Variants in PDIA3 observed in about 807,000 individuals in gnomAD.
PDIA3 encodes the protein protein disulfide-isomerase A3.
Under a neutral mutation model 56.9 loss-of-function variants are expected in PDIA3, and 16 were observed. The ratio of observed to expected loss-of-function variants is 0.28; its 90% CI spans 0.19 to 0.43. The LOEUF (loss-of-function observed/expected upper bound fraction) is 0.43, where lower values mean the gene tolerates loss of function less well. Ranked by LOEUF, PDIA3 falls within the 20% of genes least tolerant of loss-of-function variation. The pLI is 1.00. For synonymous variants in PDIA3, 192 were observed against 216.5 expected, an observed-to-expected ratio of 0.89 and a Z score of 0.99; for missense variants, 485 against 621.3, an observed-to-expected ratio of 0.78 and a Z score of 2.33.
At chr15:43,753,773 A>G (rs2086759397) in intron 1 of PDIA3, 51 bp from the exon 2 acceptor site, 1 of 1,272,852 alleles carries the variant, frequency 7.9e-7, no homozygotes. Context: ...GACAACATTA[A>G]CAAATTCATA....
intron 1 of PDIA3, among the ~76,000 whole-genome samples, chr15:43,750,075 C>CTTTGCTTGCTTTGCTTGCT (rs751732306): frequency 7.4e-6 from 1 of 135,416 alleles, no homozygotes; most frequent in African/African-American, 2.7e-5. Context: ...GCTTTGCTTG[C>CTTTGCTTGCTTTGCTTGCT]TTTTTTTTTT....
At chr15:43,747,560 T>G (rs1221657645) in intron 1 of PDIA3, among the ~76,000 whole-genome samples, 1 of 149,000 alleles carries the variant, frequency 6.7e-6, no homozygotes, top group Non-Finnish European at 1.5e-5. Flanking sequence ...GAGTGTTTGT[T>G]TTTTTTTTTT....
chr15:43,758,969 T>G (rs1299182639), intron 3 of PDIA3, among the ~76,000 whole-genome samples: 1 of 150,188 alleles, frequency 6.7e-6, no homozygotes, highest in African/African-American at 2.5e-5. Flanking sequence ...AGTGAGACCC[T>G]GTCTCAAAAA....
chr15:43,746,636 G>T lies in PDIA3; in HGVS notation c.97G>T (p.Asp33Tyr), dbSNP rs758327036. ...CTCCGACGTGCTAGAACTCACGGAC[G>T]ACAACTTCGAGAGTCGCATCTCCGA... ...AASDVLELTD[D>Y]NFESRISDTG... Residue 33 changes from aspartate to tyrosine, a missense_variant, in exon 1 of 13, where the codon GAC becomes TAC. Transcript: ENST00000300289. 32 of 1,612,820 alleles carry T rather than the reference G, an allele frequency of 2.0e-5. No individual in the cohort carries two copies. The Admixed American group carries it at 4.5e-4, about 23-fold the overall frequency.
At chr15:43,746,785 C>G (rs1181354380) in intron 1 of PDIA3, 79 bp downstream of exon 1, 1 of 1,483,930 alleles carries the variant, frequency 6.7e-7, no homozygotes, top group Non-Finnish European at 9.4e-7. Context: ...GTTGGGCCTA[C>G]GCAGCGCCGG....
chr15:43,770,400 T>A, intron 11 of PDIA3, 71 bp downstream of exon 11: 1 of 1,412,654 alleles, frequency 7.1e-7, no homozygotes, highest in East Asian at 2.3e-5. Flanking sequence ...CACCAGGAAA[T>A]CATTACTAGA....
chr15:43,746,987 C>T (rs2086711243), intron 1 of PDIA3: 1 of 525,392 alleles, frequency 1.9e-6, no homozygotes, highest in African/African-American at 1.9e-5. Context: ...GTTTTGCCAC[C>T]CCTTCCCCCA....
intron 9 of PDIA3, 98 bp downstream of exon 9, chr15:43,768,695 C>G (rs1050767831): frequency 9.0e-6 from 7 of 779,018 alleles, no homozygotes; most frequent in African/African-American, 3.5e-5. Flanking sequence ...CGTTGGCCAT[C>G]TCTTTTTTTT....
chr15:43,754,819 A>G (rs1443051405), intron 2 of PDIA3, among the ~76,000 whole-genome samples: 1 of 151,846 alleles, frequency 6.6e-6, no homozygotes, highest in African/African-American at 2.4e-5. Flanking sequence ...TACTAAAGAT[A>G]CAGGCAGGCT....
intron 1 of PDIA3, among the ~76,000 whole-genome samples, chr15:43,749,018 A>T (rs1596017162): frequency 6.6e-6 from 1 of 151,740 alleles, no homozygotes; most frequent in Non-Finnish European, 1.5e-5. Flanking sequence ...TGATCTGCCC[A>T]CCTTGGCCTC....
chr15:43,763,014 G>T lies in PDIA3; in HGVS notation c.473-63G>T, dbSNP rs1375231523. ...ATGGTTTATGGAATAGACGTTTATG[G>T]TTTGGAATGTCCATCTGTCAGCACT... On this transcript the variant is annotated intron_variant, in intron 4 of 12. Transcript: ENST00000300289. The T allele has an allele frequency of 2.6e-6, 4 of 1,525,330 alleles. No individual in the cohort carries two copies. The African/African-American group carries it at 4.1e-5, about 16-fold the overall frequency. 94.5% of individuals were successfully genotyped at this position (1,525,330 alleles called of 1,614,324 possible).
intron 3 of PDIA3, among the ~76,000 whole-genome samples, 167 bp downstream of exon 3, chr15:43,756,933 T>C (rs1356270793): frequency 6.6e-6 from 1 of 152,232 alleles, no homozygotes; most frequent in Non-Finnish European, 1.5e-5. Flanking sequence ...GAACAGATTA[T>C]ATAAGTAATA....
At chr15:43,755,105 C>A (rs1414143555) in intron 2 of PDIA3, among the ~76,000 whole-genome samples, 6 of 152,176 alleles carry the variant, frequency 3.9e-5, no homozygotes, top group African/African-American at 7.2e-5. Flanking sequence ...GAGGGCGGAT[C>A]ACCTGAGGTC....
intron 4 of PDIA3, among the ~76,000 whole-genome samples, chr15:43,762,773 C>A (rs2086825033): frequency 6.6e-6 from 1 of 152,110 alleles, no homozygotes; most frequent in South Asian, 2.1e-4. Context: ...CTTCTGATAC[C>A]TGAAATAGTC....
intron 3 of PDIA3, among the ~76,000 whole-genome samples, chr15:43,758,184 C>T (rs1265221817): frequency 3.3e-5 from 5 of 151,506 alleles, no homozygotes; most frequent in Non-Finnish European, 7.4e-5. Context: ...TTGCGGTGAG[C>T]CAAGATCATG....
chr15:43,765,781 G>A (rs2086844062), intron 6 of PDIA3, 106 bp from the exon 7 acceptor site: 3 of 1,277,416 alleles, frequency 2.3e-6, no homozygotes. Context: ...TGTTCTAAAT[G>A]TTTAAAATCT....
In PDIA3 at chr15:43,763,038, C is replaced by T. The variant is rs770660433; in HGVS notation, c.473-39C>T. Reference sequence around the variant, plus strand: ...GGTTTGGAATGTCCATCTGTCAGCACTTATTGCTTCTTCCTTGTGTTTAAT... The same window carrying T: ...GGTTTGGAATGTCCATCTGTCAGCATTTATTGCTTCTTCCTTGTGTTTAAT... On this transcript the variant is annotated intron_variant, in intron 4 of 12. Coordinates refer to ENST00000300289, the MANE Select transcript of PDIA3 (RefSeq NM_005313.5). 4 of 1,601,978 alleles carry T rather than the reference C, an allele frequency of 2.5e-6. No homozygotes were observed. The Middle Eastern group carries it at 5.0e-4, about 199-fold the overall frequency.
At position 43,770,588 on chromosome 15, in the gene PDIA3, A is replaced by G; in HGVS notation, c.1404+8A>G. 2 of 1,586,292 alleles carry G rather than the reference A, an allele frequency of 1.3e-6. No homozygotes were observed. Among genetic ancestry groups the G allele is most frequent in the South Asian group, 1.1e-5 (1 of 90,542 alleles). ...AATCCAAAGAAATATGAAGTAAGTG[A>G]ATTGTCCCATATCCCCACAAATATA... On this transcript the variant is annotated splice_region_variant and intron_variant, in intron 12 of 12. Transcript: ENST00000300289.
intron 3 of PDIA3, among the ~76,000 whole-genome samples, chr15:43,760,314 C>G (rs1371134907): frequency 1.3e-5 from 2 of 151,362 alleles, no homozygotes; most frequent in Non-Finnish European, 2.9e-5. Flanking sequence ...CTGATTGACC[C>G]TGGGAGGTCG....
Sources: gnomAD v4.1 joint callset for allele counts (sites outside exome capture counted in the v4.1 genomes callset) on GRCh38, gnomAD v4.1.1 for gene constraint, MANE v1.5 for transcripts, NCBI Gene and HGNC (gene_info 2026-07-23, HGNC 2026-07-21) for gene names.